Variants in ANKRD29 observed in about 807,000 individuals in gnomAD.
ANKRD29 encodes ankyrin repeat domain 29.
ANKRD29 carries 32 observed loss-of-function variants against 38.0 expected under a neutral mutation model. That is an observed-to-expected ratio of 0.84 (90% CI 0.64 to 1.13). ANKRD29 has a LOEUF of 1.13. ANKRD29 is among the 50% of genes most tolerant of loss of function. ANKRD29 has a pLI of 0.00. For synonymous variants in ANKRD29, 135 were observed against 152.4 expected, an observed-to-expected ratio of 0.89 and a Z score of 0.84; for missense variants, 357 against 377.9, an observed-to-expected ratio of 0.94 and a Z score of 0.46.
intron 8 of ANKRD29, among the ~76,000 whole-genome samples, chr18:23,614,818 T>C (rs1249854139): frequency 2.6e-5 from 4 of 152,002 alleles, no homozygotes; most frequent in Non-Finnish European, 5.9e-5. Flanking sequence ...ACACAAAATA[T>C]CCAAAAAGTG....
Position 23,629,890 on chromosome 18 carries a change from A to G in ANKRD29, c.491T>C (p.Leu164Pro). The G allele has an allele frequency of 6.2e-7, 1 of 1,614,206 alleles. No individual in the cohort carries two copies. The highest frequency in any genetic ancestry group is 8.5e-7 in the Non-Finnish European group (1 of 1,180,040). The change falls in exon 6 of 10, where the codon CTG (leucine) becomes CCG (proline). Residue 164 changes from leucine to proline, a missense_variant. By Grantham distance (98) the Leu-to-Pro change is moderately conservative (BLOSUM62 -3). Transcript: ENST00000592179. ...GTTGACTTTTGCTCCTGAAGCCAGC[A>G]GTAATCGAATAACATCCAAGTAACC... is the stretch of plus-strand genomic sequence containing the variant. ...QGGYLDVIRLLLASGAKVNQP... is the reference protein window; with the variant it reads ...QGGYLDVIRLPLASGAKVNQP...
chr18:23,639,678 G>A (rs534286747), intron 3 of ANKRD29, among the ~76,000 whole-genome samples: 1 of 152,176 alleles, frequency 6.6e-6, no homozygotes, highest in Non-Finnish European at 1.5e-5. Context: ...TGGGATTACA[G>A]GCGTGCACCC....
chr18:23,639,489 T>C (rs1313498562), intron 3 of ANKRD29, among the ~76,000 whole-genome samples: 2 of 151,866 alleles, frequency 1.3e-5, no homozygotes, highest in African/African-American at 4.8e-5. Flanking sequence ...TGAAATAAGC[T>C]AGTCATAAAA....
At position 23,638,917 on chromosome 18, in the gene ANKRD29, G is replaced by T; in HGVS notation, c.262C>A (p.Gln88Lys). The T allele has an allele frequency of 1.2e-6, 2 of 1,612,952 alleles. No individual in the cohort carries two copies. Among genetic ancestry groups the T allele is most frequent in the Non-Finnish European group, 1.7e-6 (2 of 1,179,752 alleles). ...CTCACGACATCATTATGGCCTTGCT[G>T]GGCGGCAAAGAATAGGGCAGTTGTA... ...SGTTALFFAAQQGHNDVVRFL... is the reference protein window; with the variant it reads ...SGTTALFFAAKQGHNDVVRFL... The change falls in exon 4 of 10, where the codon CAG becomes AAG. Residue 88 changes from glutamine (Q) to lysine (K), a missense_variant. Transcript: ENST00000592179.
At chr18:23,646,805 T>G (rs1446152834) in intron 2 of ANKRD29, 1 of 153,504 alleles carries the variant, frequency 6.5e-6, no homozygotes, top group Non-Finnish European at 1.5e-5. Flanking sequence ...TGACCAACAG[T>G]GTAACCTGGG....
intron 5 of ANKRD29, among the ~76,000 whole-genome samples, chr18:23,632,338 C>T (rs1233332129): frequency 6.6e-6 from 1 of 151,848 alleles, no homozygotes; most frequent in African/African-American, 2.4e-5. Context: ...CTGCCCCGCC[C>T]ATCCATATTT....
intron 6 of ANKRD29, among the ~76,000 whole-genome samples, chr18:23,622,902 T>C (rs192631577): frequency 5.3e-5 from 8 of 152,304 alleles, no homozygotes; most frequent in Non-Finnish European, 1.2e-4. Context: ...ACATCAATGA[T>C]AACACTCATC....
chr18:23,609,823 T>A (rs904606407), intron 9 of ANKRD29, among the ~76,000 whole-genome samples: 2 of 152,180 alleles, frequency 1.3e-5, no homozygotes, highest in Non-Finnish European at 2.9e-5. Context: ...GAAAGGCAAT[T>A]GTGATTTCAA....
In ANKRD29 at chr18:23,662,888, A is replaced by C; in HGVS notation, c.-158T>G. 1 of 549,156 alleles carries C rather than the reference A, an allele frequency of 1.8e-6. No homozygotes were observed. Among genetic ancestry groups the C allele is most frequent in the Non-Finnish European group, 2.3e-6 (1 of 427,656 alleles). The allele number at this position is 549,156 out of a possible 1,614,324, so 34.0% of individuals were successfully genotyped here. ...CGGCCCGGCAGCAGCCGCCGCACACAGGGCCGGGCCGAAGGGGCGGCGCGG... is the reference window on the plus strand; with the variant it reads ...CGGCCCGGCAGCAGCCGCCGCACACCGGGCCGGGCCGAAGGGGCGGCGCGG... On this transcript the variant is annotated 5_prime_UTR_variant, in exon 1 of 10. Coordinates refer to ENST00000592179, the MANE Select transcript of ANKRD29 (RefSeq NM_173505.4).
At chr18:23,622,566 T>TCTAC (rs920120916) in intron 6 of ANKRD29, among the ~76,000 whole-genome samples, 1 of 152,118 alleles carries the variant, frequency 6.6e-6, no homozygotes, top group African/African-American at 2.4e-5. Context: ...TATCTATCTA[T>TCTAC]CTACCTACCT....
At chr18:23,604,094 G>A (rs755892755) in intron 9 of ANKRD29, among the ~76,000 whole-genome samples, 2 of 151,992 alleles carry the variant, frequency 1.3e-5, no homozygotes, top group East Asian at 1.9e-4. Flanking sequence ...CGCCTGCCTC[G>A]GCCTCCCAAA....
At chr18:23,606,782 T>C (rs1258784411) in intron 9 of ANKRD29, among the ~76,000 whole-genome samples, 2 of 152,170 alleles carry the variant, frequency 1.3e-5, no homozygotes, top group Non-Finnish European at 2.9e-5. Context: ...GAGTATCACT[T>C]AAGCACAGGA....
chr18:23,628,722 A>G (rs994700195), intron 6 of ANKRD29, among the ~76,000 whole-genome samples: 3 of 151,936 alleles, frequency 2.0e-5, no homozygotes, highest in African/African-American at 7.3e-5. Context: ...ATGCACCTGT[A>G]ATCCTAGCTA....
At chr18:23,604,157 C>G (rs1042096916) in intron 9 of ANKRD29, among the ~76,000 whole-genome samples, 7 of 151,946 alleles carry the variant, frequency 4.6e-5, no homozygotes, top group Non-Finnish European at 7.4e-5. Flanking sequence ...TGTGATTAAC[C>G]CTAGTTTTGG....
At chr18:23,639,692 C>T (rs1477834166) in intron 3 of ANKRD29, among the ~76,000 whole-genome samples, 2 of 152,068 alleles carry the variant, frequency 1.3e-5, no homozygotes, top group African/African-American at 4.8e-5. Context: ...TGCACCCCCA[C>T]ATCTGGCTAT....
chr18:23,620,218 C>A (rs1303606588), intron 6 of ANKRD29, among the ~76,000 whole-genome samples: 1 of 152,110 alleles, frequency 6.6e-6, no homozygotes, highest in Non-Finnish European at 1.5e-5. Flanking sequence ...GTCCAGAACC[C>A]TCCAAAGCCA....
chr18:23,637,163 C>CA (rs1311602028), intron 4 of ANKRD29, among the ~76,000 whole-genome samples: 1 of 152,120 alleles, frequency 6.6e-6, no homozygotes, highest in African/African-American at 2.4e-5. Flanking sequence ...TATGGTCACT[C>CA]ACGATCATTT....
At chr18:23,633,673 C>T (rs951659266) in intron 5 of ANKRD29, among the ~76,000 whole-genome samples, 5 of 152,022 alleles carry the variant, frequency 3.3e-5, no homozygotes, top group African/African-American at 7.2e-5. Flanking sequence ...TGGGTTCAAG[C>T]GATTCTCCTG....
intron 1 of ANKRD29, among the ~76,000 whole-genome samples, chr18:23,659,863 C>A (rs768735728): frequency 5.9e-5 from 9 of 152,000 alleles, no homozygotes; most frequent in Non-Finnish European, 1.3e-4. Context: ...ATAATCCCAG[C>A]ACTCTGGGAG....
Sources: gnomAD v4.1 joint callset for allele counts (sites outside exome capture counted in the v4.1 genomes callset) on GRCh38, gnomAD v4.1.1 for gene constraint, MANE v1.5 for transcripts, NCBI Gene and HGNC (gene_info 2026-07-23, HGNC 2026-07-21) for gene names.